SGCZ: variants seen among roughly 807,000 people sequenced by gnomAD.
SGCZ encodes the protein zeta-sarcoglycan.
In SGCZ, 40 loss-of-function variants were observed where a neutral mutation model predicts 41.3. That is an observed-to-expected ratio of 0.97 (90% confidence interval 0.75 to 1.26). SGCZ has a LOEUF of 1.26. SGCZ is among the 50% of genes most tolerant of loss of function. SGCZ has a pLI of 0.00. For synonymous variants in SGCZ, 206 were observed against 137.5 expected (o/e 1.50, Z -3.49); for missense variants, 552 against 369.8 (o/e 1.49, Z -4.04).
chr8:15,042,170 A>G (rs1585503884), intron 1 of SGCZ, among the ~76,000 whole-genome samples: 1 of 152,174 alleles, frequency 6.6e-6, no homozygotes, highest in Non-Finnish European at 1.5e-5. Flanking sequence ...GAAACTTTCT[A>G]AAAACAAGCC....
chr8:15,025,967 T>C (rs1489635949), intron 1 of SGCZ, among the ~76,000 whole-genome samples: 4 of 152,176 alleles, frequency 2.6e-5, no homozygotes, highest in Non-Finnish European at 5.9e-5. Context: ...AAATATTACA[T>C]ATATCATAGA....
intron 1 of SGCZ, among the ~76,000 whole-genome samples, chr8:15,168,387 A>G (rs1231027074): frequency 1.3e-5 from 2 of 152,216 alleles, no homozygotes; most frequent in Non-Finnish European, 2.9e-5. Flanking sequence ...CGCAGAGGCT[A>G]CTGACGGTAG....
chr8:14,936,804 A>C (rs1800098578), intron 1 of SGCZ, among the ~76,000 whole-genome samples: 1 of 151,938 alleles, frequency 6.6e-6, no homozygotes, highest in African/African-American at 2.4e-5. Context: ...AAGTGTAACT[A>C]ATGATTCAAA....
chr8:14,802,947 T>C (rs1000551777), intron 1 of SGCZ, among the ~76,000 whole-genome samples: 38 of 152,136 alleles, frequency 2.5e-4, no homozygotes, highest in Non-Finnish European at 5.6e-4. Context: ...AAACTCCTCC[T>C]CCAGCCCCAT....
chr8:14,775,010 G>A (rs1800357979), intron 1 of SGCZ, among the ~76,000 whole-genome samples: 2 of 152,048 alleles, frequency 1.3e-5, no homozygotes, highest in African/African-American at 4.8e-5. Context: ...TGCTTGTATG[G>A]AAAATATTCA....
intron 2 of SGCZ, among the ~76,000 whole-genome samples, chr8:14,466,235 G>A (rs1043904269): frequency 2.0e-5 from 3 of 151,852 alleles, no homozygotes; most frequent in African/African-American, 7.2e-5. Flanking sequence ...ACAGTTTGTT[G>A]GATAAAGGAT....
chr8:14,758,404 A>G lies in SGCZ; in HGVS notation c.40-203478T>C, dbSNP rs180712880. ...ACCAAGTCAGCTTCTTTTTTCATCAATTTATAATTTCATCGTTCTTCCCTC... is the reference window on the plus strand; with the variant it reads ...ACCAAGTCAGCTTCTTTTTTCATCAGTTTATAATTTCATCGTTCTTCCCTC... On this transcript the variant is annotated intron_variant, in intron 1 of 7. Transcript: ENST00000382080. Among the ~76,000 whole-genome samples the G allele has an allele frequency of 2.2e-4, 34 of 152,228 alleles. No homozygotes were observed. In the East Asian group the frequency reaches 5.4e-3, roughly 24 times the overall value.
chr8:14,749,093 A>T (rs1799422152), intron 1 of SGCZ, among the ~76,000 whole-genome samples: 1 of 152,162 alleles, frequency 6.6e-6, no homozygotes, highest in African/African-American at 2.4e-5. Flanking sequence ...AAGTGAATTA[A>T]TCTTCTATTC....
In SGCZ at chr8:14,838,562, G is replaced by A. The variant is rs554028164; in HGVS notation, c.40-283636C>T. On this transcript the variant is annotated intron_variant, in intron 1 of 7. Coordinates refer to ENST00000382080, the MANE Select transcript of SGCZ (RefSeq NM_139167.4). ...AACCTGTTGGAATTACTCAGACTAG[G>A]CAATCTGAAGCTGTTTACCTCCCCT... Among the ~76,000 whole-genome samples, 7 of 152,054 alleles carry A rather than the reference G, an allele frequency of 4.6e-5. No individual in the cohort carries two copies. In the South Asian group the frequency reaches 8.3e-4, roughly 18 times the overall value.
intron 2 of SGCZ, among the ~76,000 whole-genome samples, chr8:14,379,452 G>C (rs868756666): frequency 6.6e-6 from 1 of 152,150 alleles, no homozygotes; most frequent in South Asian, 2.1e-4. Context: ...AAACTATAAA[G>C]CGCTACTCTA....
At chr8:14,602,687 C>G (rs1208598549) in intron 1 of SGCZ, among the ~76,000 whole-genome samples, 2 of 152,108 alleles carry the variant, frequency 1.3e-5, no homozygotes, top group Non-Finnish European at 2.9e-5. Context: ...TTTCTCTATG[C>G]TTCTCTGGCA....
At chr8:14,377,740 T>A (rs1804187114) in intron 2 of SGCZ, among the ~76,000 whole-genome samples, 1 of 151,214 alleles carries the variant, frequency 6.6e-6, no homozygotes, top group Non-Finnish European at 1.5e-5. Context: ...CCATGTGATC[T>A]CATTGTTCAA....
chr8:14,673,442 C>T (rs1229791513), intron 1 of SGCZ, among the ~76,000 whole-genome samples: 4 of 152,058 alleles, frequency 2.6e-5, no homozygotes, highest in Non-Finnish European at 4.4e-5. Flanking sequence ...CTCGCGCTCG[C>T]GCTGTCTCTC....
chr8:14,517,487 T>G (rs775726707), intron 2 of SGCZ, among the ~76,000 whole-genome samples: 6 of 152,088 alleles, frequency 3.9e-5, no homozygotes, highest in Non-Finnish European at 8.8e-5. Flanking sequence ...GTAGAGTCAT[T>G]TTAACAAAGT....
chr8:14,716,232 A>G (rs1809686032), intron 1 of SGCZ, among the ~76,000 whole-genome samples: 1 of 151,970 alleles, frequency 6.6e-6, no homozygotes, highest in Admixed American at 6.6e-5. Context: ...AAAAAAAGAT[A>G]CACTTAAAAA....
At chr8:14,771,242 T>C (rs1290265961) in intron 1 of SGCZ, among the ~76,000 whole-genome samples, 1 of 152,120 alleles carries the variant, frequency 6.6e-6, no homozygotes, top group Non-Finnish European at 1.5e-5. Flanking sequence ...AAGTGTGTGT[T>C]TATATACCTC....
At chr8:15,043,608 C>A (rs1043107257) in intron 1 of SGCZ, among the ~76,000 whole-genome samples, 3 of 151,926 alleles carry the variant, frequency 2.0e-5, no homozygotes, top group African/African-American at 4.8e-5. Context: ...TATAAAATAA[C>A]ATTAAAATAC....
chr8:15,176,727 C>T (rs1219183096), intron 1 of SGCZ, among the ~76,000 whole-genome samples: 3 of 152,228 alleles, frequency 2.0e-5, no homozygotes, highest in Admixed American at 1.3e-4. Flanking sequence ...GTTGGCCGGA[C>T]ACAGTGGCTC....
At chr8:14,533,674 A>G (rs1438284705) in intron 2 of SGCZ, among the ~76,000 whole-genome samples, 1 of 152,034 alleles carries the variant, frequency 6.6e-6, no homozygotes, top group African/African-American at 2.4e-5. Context: ...GTACTCTTTT[A>G]TCCATCAACA....
Sources: gnomAD v4.1 joint callset for allele counts (sites outside exome capture counted in the v4.1 genomes callset) on GRCh38, gnomAD v4.1.1 for gene constraint, MANE v1.5 for transcripts, NCBI Gene and HGNC (gene_info 2026-07-23, HGNC 2026-07-21) for gene names.